The following DOK5 variants were observed in gnomAD, a reference collection of about 807,000 sequenced individuals.
The protein encoded by DOK5 is downstream of tyrosine kinase 5.
A neutral mutation model predicts 43.3 loss-of-function variants in DOK5; 27 were observed. The ratio of observed to expected loss-of-function variants is 0.62; its 90% CI spans 0.46 to 0.86. The LOEUF is 0.86. DOK5 is among the 40% of genes least tolerant of loss of function. The probability of loss-of-function intolerance (pLI) is 0.00; values close to 1 mark genes in which losing one functional copy is unlikely to be tolerated. For synonymous variants in DOK5, 146 were observed against 140.1 expected, an observed-to-expected ratio of 1.04 and a Z score of -0.30; for missense variants, 373 against 392.9, an observed-to-expected ratio of 0.95 and a Z score of 0.43.
chr20:54,628,281 C>T (rs556727588), intron 6 of DOK5, among the ~76,000 whole-genome samples: 17 of 151,650 alleles, frequency 1.1e-4, no homozygotes, highest in Admixed American at 8.5e-4. Flanking sequence ...TGGTGGCGGG[C>T]GCCTGTAGTC....
At chr20:54,505,260 T>C (rs1305375383) in intron 1 of DOK5, among the ~76,000 whole-genome samples, 2 of 152,036 alleles carry the variant, frequency 1.3e-5, no homozygotes, top group African/African-American at 2.4e-5. Context: ...CTCCTGCTTG[T>C]TTTTGCAAAT....
At chr20:54,551,714 G>A (rs1381129257) in intron 1 of DOK5, among the ~76,000 whole-genome samples, 1 of 152,030 alleles carries the variant, frequency 6.6e-6, no homozygotes, top group Non-Finnish European at 1.5e-5. Flanking sequence ...TTTTTATATT[G>A]CTTGATGGAT....
intron 7 of DOK5, among the ~76,000 whole-genome samples, chr20:54,645,553 GCTCACCTCCAGGT>G (rs1175827266): frequency 1.3e-5 from 2 of 152,020 alleles, no homozygotes; most frequent in Non-Finnish European, 1.5e-5. Flanking sequence ...GTTAACTCCT[GCTCACCTCCAGGT>G]CTCACCTCCA....
intron 1 of DOK5, among the ~76,000 whole-genome samples, chr20:54,533,315 T>C (rs933786540): frequency 6.6e-6 from 1 of 152,208 alleles, no homozygotes; most frequent in African/African-American, 2.4e-5. Flanking sequence ...TCACTCCTAG[T>C]TGAGAGCTAT....
intron 2 of DOK5, among the ~76,000 whole-genome samples, chr20:54,586,435 TA>T (rs1369447567): frequency 1.3e-5 from 2 of 152,096 alleles, no homozygotes; most frequent in Non-Finnish European, 2.9e-5. Flanking sequence ...ACCATACAAG[TA>T]AATTTATGGG....
At chr20:54,567,461 T>A (rs1985135527) in intron 2 of DOK5, among the ~76,000 whole-genome samples, 1 of 152,200 alleles carries the variant, frequency 6.6e-6, no homozygotes, top group African/African-American at 2.4e-5. Flanking sequence ...TTGAATTGAT[T>A]TTTTTACCTT....
intron 6 of DOK5, among the ~76,000 whole-genome samples, chr20:54,632,474 C>A (rs1427308743): frequency 3.9e-5 from 6 of 152,138 alleles, no homozygotes; most frequent in Non-Finnish European, 8.8e-5. Flanking sequence ...TTGGCAATAA[C>A]CATGGAACTC....
At chr20:54,625,513 T>A (rs1027839826) in intron 6 of DOK5, among the ~76,000 whole-genome samples, 7 of 152,226 alleles carry the variant, frequency 4.6e-5, no homozygotes, top group African/African-American at 1.7e-4. Context: ...GTACTTTCTA[T>A]GAGAAATATG....
intron 1 of DOK5, among the ~76,000 whole-genome samples, chr20:54,509,527 G>T (rs918015561): frequency 5.3e-5 from 8 of 152,184 alleles, no homozygotes; most frequent in African/African-American, 1.4e-4. Flanking sequence ...ATATATGATG[G>T]GAGGCCATTG....
At chr20:54,485,503 A>G (rs1981897787) in intron 1 of DOK5, among the ~76,000 whole-genome samples, 1 of 152,146 alleles carries the variant, frequency 6.6e-6, no homozygotes, top group Admixed American at 6.5e-5. Flanking sequence ...TGAGTAGTGT[A>G]CCATGGTGTG....
intron 1 of DOK5, among the ~76,000 whole-genome samples, chr20:54,519,432 A>T (rs924190232): frequency 2.2e-4 from 33 of 152,256 alleles, no homozygotes; most frequent in South Asian, 1.0e-3. Context: ...TTGCCTTTAA[A>T]ATTTAAAACC....
At chr20:54,623,111 G>C (rs1436534817) in intron 6 of DOK5, among the ~76,000 whole-genome samples, 1 of 152,116 alleles carries the variant, frequency 6.6e-6, no homozygotes, top group East Asian at 1.9e-4. Flanking sequence ...CCCTAAAACA[G>C]CGGTTCTCAA....
chr20:54,557,299 C>T (rs983034946), intron 2 of DOK5, among the ~76,000 whole-genome samples: 9 of 152,130 alleles, frequency 5.9e-5, no homozygotes, highest in Admixed American at 1.3e-4. Flanking sequence ...GGATTGGTTT[C>T]GGGATGAAAC....
chr20:54,583,999 A>C (rs1052210731), intron 2 of DOK5, among the ~76,000 whole-genome samples: 2 of 151,844 alleles, frequency 1.3e-5, no homozygotes, highest in African/African-American at 2.4e-5. Context: ...AAAAAAAAAA[A>C]ATTAGTCGAG....
At chr20:54,533,377 C>CTAT (rs2146708275) in intron 1 of DOK5, among the ~76,000 whole-genome samples, 2 of 152,252 alleles carry the variant, frequency 1.3e-5, no homozygotes, top group South Asian at 4.2e-4. Flanking sequence ...TGTGTCATTG[C>CTAT]TATATGGATT....
chr20:54,623,641 G>A (rs1321169889), intron 6 of DOK5, among the ~76,000 whole-genome samples: 1 of 152,036 alleles, frequency 6.6e-6, no homozygotes, highest in Non-Finnish European at 1.5e-5. Context: ...GTACAGTGGT[G>A]CAATCTTGGC....
chr20:54,642,988 G>C (rs997775581), intron 6 of DOK5, among the ~76,000 whole-genome samples: 1 of 152,170 alleles, frequency 6.6e-6, no homozygotes, highest in Admixed American at 6.5e-5. Context: ...TTCAACACAT[G>C]TTACTTGTAT....
intron 2 of DOK5, among the ~76,000 whole-genome samples, chr20:54,569,908 T>C (rs1003601017): frequency 4.6e-5 from 7 of 152,216 alleles, no homozygotes; most frequent in African/African-American, 1.7e-4. Context: ...ATATGGGGAC[T>C]GGAATATAAC....
At position 54,616,849 on chromosome 20, in the gene DOK5, G is replaced by A. The variant is rs370161964; in HGVS notation, c.735+6326G>A. Among the ~76,000 whole-genome samples, 13 of 146,556 alleles carry A rather than the reference G, an allele frequency of 8.9e-5. No individual in the cohort carries two copies. The East Asian group carries it at 1.0e-3, about 11-fold the overall frequency. On this transcript the variant is annotated intron_variant, in intron 6 of 7. Transcript: ENST00000262593. ...GTCGCCCAGGCTGGAGTGCAGTGGC[G>A]CTATCTCGGCTCACTGCACGCTCCG... is the stretch of plus-strand genomic sequence containing the variant.
Sources: gnomAD v4.1 joint callset for allele counts (sites outside exome capture counted in the v4.1 genomes callset) on GRCh38, gnomAD v4.1.1 for gene constraint, MANE v1.5 for transcripts, NCBI Gene and HGNC (gene_info 2026-07-23, HGNC 2026-07-21) for gene names.